The following AFF3 variants were observed in gnomAD, a reference collection of about 807,000 sequenced individuals.
AFF3 encodes ALF transcription elongation factor 3, also known as AF4/FMR2 family member 3.
A neutral mutation model predicts 129.7 loss-of-function variants in AFF3; 32 were observed. The observed-to-expected ratio is 0.25, with a 90% CI of 0.19 to 0.33. The LOEUF is 0.33. AFF3 is among the 10% of genes least tolerant of loss of function. The probability of loss-of-function intolerance (pLI) is 1.00; values close to 1 mark genes in which losing one functional copy is unlikely to be tolerated. For missense variants in AFF3, 1,373 were observed against 1,592.0 expected (o/e 0.86, Z 2.34); for synonymous variants, 644 against 635.4 (o/e 1.01, Z -0.20).
chr2:99,909,130 A>G (rs919362858), intron 7 of AFF3, among the ~76,000 whole-genome samples: 8 of 152,134 alleles, frequency 5.3e-5, no homozygotes, highest in African/African-American at 1.9e-4. Flanking sequence ...AATGTGGCAC[A>G]TATACACCAT....
chr2:100,061,452 T>C (rs1257989934), intron 4 of AFF3, among the ~76,000 whole-genome samples: 2 of 151,982 alleles, frequency 1.3e-5, no homozygotes, highest in Non-Finnish European at 2.9e-5. Flanking sequence ...AAGCACTATC[T>C]CCAAGGTGAC....
chr2:99,586,944 T>C (rs929978841), intron 16 of AFF3, among the ~76,000 whole-genome samples: 1 of 152,140 alleles, frequency 6.6e-6, no homozygotes, highest in African/African-American at 2.4e-5. Flanking sequence ...TCTTTGGTTA[T>C]GGAGAAGAAC....
At position 99,554,543 on chromosome 2, in the gene AFF3, G is replaced by T; in HGVS notation, c.3336-9C>A. On this transcript the variant is annotated splice_polypyrimidine_tract_variant and intron_variant, in intron 23 of 24. Transcript: ENST00000672756. ...ATGGGGTTCCAGTGCTCCTGGAAGG[G>T]GAGAGGTAGAAAAACCAGAGTGGCG... 7 of 1,611,092 alleles carry T rather than the reference G, an allele frequency of 4.3e-6. No individual in the cohort carries two copies. Among genetic ancestry groups the T allele is most frequent in the Non-Finnish European group, 5.9e-6 (7 of 1,178,438 alleles).
At chr2:99,611,087 T>G (rs1301758624) in intron 13 of AFF3, among the ~76,000 whole-genome samples, 2 of 152,226 alleles carry the variant, frequency 1.3e-5, no homozygotes, top group Non-Finnish European at 2.9e-5. Flanking sequence ...GCGGTTGAGC[T>G]CATCCATTGA....
intron 7 of AFF3, among the ~76,000 whole-genome samples, chr2:99,957,166 T>C (rs906231666): frequency 6.7e-6 from 1 of 149,800 alleles, no homozygotes; most frequent in Non-Finnish European, 1.5e-5. Context: ...TGTGTGTGCA[T>C]GTACGTGTGT....
intron 7 of AFF3, among the ~76,000 whole-genome samples, chr2:99,967,927 C>T (rs1181506893): frequency 6.6e-6 from 1 of 152,228 alleles, no homozygotes; most frequent in Non-Finnish European, 1.5e-5. Context: ...ATCCCTCACA[C>T]AGCCACAGGA....
chr2:100,109,766 C>T (rs1012127322), intron 2 of AFF3: 3 of 152,088 alleles, frequency 2.0e-5, no homozygotes, highest in African/African-American at 7.2e-5. Flanking sequence ...GGTATGTTGC[C>T]ATTGTTTTTA....
chr2:99,606,148 T>A (rs1389873160), intron 13 of AFF3, among the ~76,000 whole-genome samples: 1 of 142,234 alleles, frequency 7.0e-6, no homozygotes, highest in African/African-American at 2.6e-5. Flanking sequence ...TGTGCTGGCA[T>A]GTGCCTGTGG....
In AFF3 at chr2:99,850,747, T is replaced by C. The variant is rs1463719540; in HGVS notation, c.874-13223A>G. 3.3e-5 allele frequency among the ~76,000 whole-genome samples: 5 copies of C among 152,330 alleles called. No homozygotes were observed. The East Asian group carries it at 9.6e-4, about 29-fold the overall frequency. On this transcript the variant is annotated intron_variant, in intron 7 of 24. Coordinates refer to ENST00000672756, the MANE Select transcript of AFF3 (RefSeq NM_001386135.1). ...TTCTGTATTTTCTGGGTTAGTGTAG[T>C]AGTAAGTCTATGACTTCTTTGTTAA...
rs1411290883 is a variant in AFF3 at position 99,724,271 on chromosome 2, C to CTTTCTTTTTT, written c.1091+2805_1091+2806insAAAAAAGAAA. On this transcript the variant is annotated intron_variant, in intron 11 of 24. Transcript: ENST00000672756. ...TCCTCACTTCAGTGGAATGACCTTT[C>CTTTCTTTTTT]TTTTTTTTTTTTTTTTTTTGAGACA... Among the ~76,000 whole-genome samples, 196 of 66,902 alleles carry CTTTCTTTTTT rather than the reference C, an allele frequency of 2.9e-3. 7 individuals carry two copies. Among genetic ancestry groups the CTTTCTTTTTT allele is most frequent in the Admixed American group, 7.9e-3 (32 of 4,070 alleles). 43.9% of individuals were successfully genotyped at this position (66,902 alleles called of 152,430 possible).
intron 7 of AFF3, among the ~76,000 whole-genome samples, chr2:99,913,701 G>A (rs1490654956): frequency 6.6e-6 from 1 of 152,054 alleles, no homozygotes; most frequent in African/African-American, 2.4e-5. Context: ...GTAGAATGAT[G>A]AAATGATTCT....
At chr2:99,803,044 T>C (rs1387397843) in intron 8 of AFF3, among the ~76,000 whole-genome samples, 2 of 152,178 alleles carry the variant, frequency 1.3e-5, no homozygotes, top group Admixed American at 6.5e-5. Flanking sequence ...CCAGTTCTTA[T>C]GGGGAATGCT....
At chr2:99,594,417 A>T in intron 14 of AFF3, 128 bp from the exon 15 acceptor site, 1 of 1,368,380 alleles carries the variant, frequency 7.3e-7, no homozygotes, top group Non-Finnish European at 9.9e-7. Flanking sequence ...GCTGGAAGCA[A>T]AAGGAAAATG....
At chr2:99,882,586 G>C (rs1006514033) in intron 7 of AFF3, among the ~76,000 whole-genome samples, 25 of 152,152 alleles carry the variant, frequency 1.6e-4, no homozygotes, top group African/African-American at 6.0e-4. Context: ...TCTAGAGAAG[G>C]GGCATCTCTC....
intron 8 of AFF3, among the ~76,000 whole-genome samples, chr2:99,826,649 C>A (rs931189690): frequency 6.6e-6 from 1 of 152,036 alleles, no homozygotes; most frequent in Non-Finnish European, 1.5e-5. Flanking sequence ...AGTGGTTACG[C>A]CTGCAGAAGT....
chr2:99,761,523 T>C (rs999960924), intron 8 of AFF3, among the ~76,000 whole-genome samples: 1 of 152,182 alleles, frequency 6.6e-6, no homozygotes, highest in Non-Finnish European at 1.5e-5. Flanking sequence ...CTGCCTGTTT[T>C]AGGACAAGTG....
At chr2:99,785,872 C>T (rs1011886217) in intron 8 of AFF3, among the ~76,000 whole-genome samples, 3 of 152,182 alleles carry the variant, frequency 2.0e-5, no homozygotes, top group Admixed American at 1.3e-4. Context: ...CTCAGCCTCC[C>T]GGGTAGCTGG....
At chr2:99,757,955 A>G (rs1210874989) in intron 8 of AFF3, among the ~76,000 whole-genome samples, 1 of 152,166 alleles carries the variant, frequency 6.6e-6, no homozygotes, top group African/African-American at 2.4e-5. Context: ...TTTATACATC[A>G]GTGCCTCCCC....
At chr2:99,612,204 A>G (rs1453045415) in intron 13 of AFF3, among the ~76,000 whole-genome samples, 1 of 152,232 alleles carries the variant, frequency 6.6e-6, no homozygotes, top group Non-Finnish European at 1.5e-5. Context: ...CTTGTCCCAG[A>G]ACAGGCAACC....
Sources: gnomAD v4.1 joint callset for allele counts (sites outside exome capture counted in the v4.1 genomes callset) on GRCh38, gnomAD v4.1.1 for gene constraint, MANE v1.5 for transcripts, NCBI Gene and HGNC (gene_info 2026-07-23, HGNC 2026-07-21) for gene names.